The following CERK variants were observed in gnomAD, a reference collection of about 807,000 sequenced individuals.
CERK encodes ceramide kinase, also known as acylsphingosine kinase.
Under a neutral mutation model 63.4 loss-of-function variants are expected in CERK, and 39 were observed. The ratio of observed to expected loss-of-function variants is 0.61; its 90% CI spans 0.48 to 0.80. The LOEUF is 0.80. CERK is among the 30% of genes least tolerant of loss of function. CERK has a pLI of 0.00. For missense variants in CERK, 670 were observed against 714.1 expected, an observed-to-expected ratio of 0.94 and a Z score of 0.70; for synonymous variants, 302 against 280.0, an observed-to-expected ratio of 1.08 and a Z score of -0.78.
intron 5 of CERK, among the ~76,000 whole-genome samples, chr22:46,708,872 G>A (rs985903833): frequency 2.0e-4 from 30 of 152,180 alleles, no homozygotes; most frequent in Non-Finnish European, 1.2e-4. Flanking sequence ...GTAGAGGAGC[G>A]GTGTGAGTCG....
At chr22:46,709,457 T>C (rs771713636) in intron 5 of CERK, among the ~76,000 whole-genome samples, 20 of 152,242 alleles carry the variant, frequency 1.3e-4, no homozygotes, top group Middle Eastern at 6.8e-3. Flanking sequence ...AGGAGCCCCC[T>C]GCTTCCTGGA....
chr22:46,714,191 A>C lies in CERK; in HGVS notation c.380-1898T>G, dbSNP rs1156472836. On this transcript the variant is annotated intron_variant, in intron 3 of 12. Coordinates refer to ENST00000216264, the MANE Select transcript of CERK (RefSeq NM_022766.6). This position sits in a 1 kb window ranked among gnomAD's most constrained non-coding sequence, Gnocchi z 4.4. ...GAGGCTGAGGCAGGAGAATCACTTG[A>C]ACCCAGGAAGTGGAGGTTGCAGTGA... 6.6e-6 allele frequency among the ~76,000 whole-genome samples: 1 copy of C among 152,226 alleles called. No individual in the cohort carries two copies. Among genetic ancestry groups the C allele is most frequent in the Non-Finnish European group, 1.5e-5 (1 of 68,032 alleles).
chr22:46,704,707 C>G (rs568707213), intron 6 of CERK, among the ~76,000 whole-genome samples: 1 of 151,864 alleles, frequency 6.6e-6, no homozygotes, highest in South Asian at 2.1e-4. Context: ...TGCCTGTAAT[C>G]CCAGCTACTA....
At chr22:46,696,221 C>T (rs902665756) in intron 8 of CERK, among the ~76,000 whole-genome samples, 31 of 152,254 alleles carry the variant, frequency 2.0e-4, no homozygotes, top group African/African-American at 6.7e-4. Flanking sequence ...AGTCAGCTCC[C>T]GACTGTCCCT....
At chr22:46,723,004 C>T (rs1021308835) in intron 1 of CERK, among the ~76,000 whole-genome samples, 1 of 152,154 alleles carries the variant, frequency 6.6e-6, no homozygotes, top group Non-Finnish European at 1.5e-5. Flanking sequence ...AGGGTGGCCA[C>T]TCTGGGTGGA....
At position 46,724,882 on chromosome 22, in the gene CERK, G is replaced by A. The variant is rs539724452; in HGVS notation, c.143-3867C>T. 2.3e-3 allele frequency among the ~76,000 whole-genome samples: 354 copies of A among 152,240 alleles called. 2 individuals are homozygous for A. The highest frequency in any genetic ancestry group is 8.2e-3 in the African/African-American group (339 of 41,536). ...AAAATACACAAAAAATTAGCCGGGT[G>A]TGGTGGCGGGCACCTGTAGCCCCAG... On this transcript the variant is annotated intron_variant, in intron 1 of 12. Coordinates refer to ENST00000216264, the MANE Select transcript of CERK (RefSeq NM_022766.6).
At chr22:46,734,290 T>C (rs1322881443) in intron 1 of CERK, among the ~76,000 whole-genome samples, 6 of 151,258 alleles carry the variant, frequency 4.0e-5, no homozygotes, top group African/African-American at 1.2e-4. Flanking sequence ...AAGAAGGAAC[T>C]GCTGACATGA....
chr22:46,701,049 T>C (rs1053775449), intron 7 of CERK, among the ~76,000 whole-genome samples: 1 of 151,720 alleles, frequency 6.6e-6, no homozygotes, highest in Non-Finnish European at 1.5e-5. Context: ...TTTTAAAATA[T>C]ACAGTTTCTG....
At chr22:46,701,506 GA>G in intron 7 of CERK, 129 bp downstream of exon 7, 4 of 720,458 alleles carry the variant, frequency 5.6e-6, no homozygotes, top group Non-Finnish European at 2.3e-6. Flanking sequence ...CAGAGCAGGG[GA>G]CACAGCGTGA....
chr22:46,699,411 C>T lies in CERK; in HGVS notation c.845G>A (p.Arg282His), dbSNP rs144086274. ...GTAGCCCAGCAGGGACACGGAGTAG[C>T]GAAGGAGTGTGCTGTTGTGGTGGAC... ...SSVHHNSTLL[R>H]YSVSLLGYGF... Residue 282 changes from arginine to histidine, a missense_variant, in exon 8 of 13, where the codon CGC (arginine) becomes CAC (histidine). Physicochemically the swap from Arg to His is conservative, Grantham distance 29. Coordinates refer to ENST00000216264, the MANE Select transcript of CERK (RefSeq NM_022766.6). The T allele has an allele frequency of 9.3e-6, 15 of 1,614,052 alleles. No homozygotes were observed. Among genetic ancestry groups the T allele is most frequent in the South Asian group, 7.7e-5 (7 of 91,084 alleles).
chr22:46,686,856 G>A lies in CERK; in HGVS notation c.*278C>T. ...AACGGGCCATTTTCTAAACTACACTGTTGACATCGTTAAAACCTAAGAGGC... is the reference window on the plus strand; with the variant it reads ...AACGGGCCATTTTCTAAACTACACTATTGACATCGTTAAAACCTAAGAGGC... On this transcript the variant is annotated 3_prime_UTR_variant, in exon 13 of 13. Coordinates refer to ENST00000216264, the MANE Select transcript of CERK (RefSeq NM_022766.6). The A allele has an allele frequency of 2.4e-6, 1 of 423,956 alleles. No individual in the cohort carries two copies. The highest frequency in any genetic ancestry group is 4.3e-6 in the Non-Finnish European group (1 of 229,914). 26.3% of individuals were successfully genotyped at this position (423,956 alleles called of 1,614,324 possible). A position where few individuals can be genotyped will look rare whatever the true frequency, so the allele number is the denominator to read the frequency against.
At chr22:46,692,612 T>C (rs1484843556) in intron 10 of CERK, among the ~76,000 whole-genome samples, 1 of 150,580 alleles carries the variant, frequency 6.6e-6, no homozygotes, top group Non-Finnish European at 1.5e-5. Flanking sequence ...AATAAATAAA[T>C]AAATATTATT....
intron 1 of CERK, among the ~76,000 whole-genome samples, chr22:46,736,430 G>A (rs1250899410): frequency 6.6e-6 from 1 of 152,190 alleles, no homozygotes; most frequent in Non-Finnish European, 1.5e-5. Context: ...CCTGCAGATC[G>A]GCCCCTGCAT....
intron 11 of CERK, among the ~76,000 whole-genome samples, chr22:46,690,910 C>A (rs1032499729): frequency 9.2e-5 from 14 of 152,184 alleles, no homozygotes; most frequent in South Asian, 2.1e-4. Flanking sequence ...AAGATTCATA[C>A]CTCTTAGTTT....
intron 9 of CERK, among the ~76,000 whole-genome samples, chr22:46,694,534 G>A (rs921244815): frequency 7.2e-5 from 11 of 152,062 alleles, no homozygotes; most frequent in South Asian, 4.2e-4. Flanking sequence ...CCGGTGGGGC[G>A]CCTCTTTCCC....
intron 9 of CERK, among the ~76,000 whole-genome samples, chr22:46,694,482 G>A (rs61257494): frequency 0.017 from 2,620 of 152,162 alleles, 76 homozygotes; most frequent in African/African-American, 0.06. Flanking sequence ...AGGGGAGAGC[G>A]CAGCGTTTCC....
At chr22:46,693,359 G>T in intron 10 of CERK, 68 bp downstream of exon 10, 1 of 1,312,946 alleles carries the variant, frequency 7.6e-7, no homozygotes, top group Non-Finnish European at 1.1e-6. Context: ...GCAGTGCCCT[G>T]AGAGAGGACA....
intron 7 of CERK, 27 bp downstream of exon 7, chr22:46,701,609 G>T: frequency 6.5e-7 from 1 of 1,544,904 alleles, no homozygotes; most frequent in Non-Finnish European, 8.7e-7. Context: ...GGCTGCCACC[G>T]TGCGCATGCG....
chr22:46,690,060 G>A lies in CERK; in HGVS notation c.1473C>T (p.Cys491=). 6 of 1,613,754 alleles carry A rather than the reference G, an allele frequency of 3.7e-6. No individual in the cohort carries two copies. The highest frequency in any genetic ancestry group is 5.1e-6 in the Non-Finnish European group (6 of 1,179,986). The change falls in exon 12 of 13, where the codon TGC becomes TGT. Residue 491 remains cysteine, a synonymous_variant. Coordinates refer to ENST00000216264, the MANE Select transcript of CERK (RefSeq NM_022766.6). ...GHICSSHPSC[C]CTVSNSSWNC... is the part of the protein sequence containing the mutation. ...TCCAGGAGCTGTTGGAGACGGTGCAGCAGCAGGAGGGGTGGCTGCTGCAAA... is the reference window on the plus strand; with the variant it reads ...TCCAGGAGCTGTTGGAGACGGTGCAACAGCAGGAGGGGTGGCTGCTGCAAA...
Sources: allele counts gnomAD v4.1 joint callset (sites outside exome capture counted in the v4.1 genomes callset), GRCh38; gene constraint gnomAD v4.1.1; non-coding constraint Gnocchi (gnomAD v3.1); transcripts MANE v1.5; gene names NCBI Gene and HGNC (gene_info 2026-07-23, HGNC 2026-07-21).